Variants in CSMD1 observed in about 807,000 individuals in gnomAD.
CSMD1 encodes CUB and Sushi multiple domains 1, also known as CUB and sushi domain-containing protein 1.
Under a neutral mutation model 417.5 loss-of-function variants are expected in CSMD1, and 213 were observed. That is an observed-to-expected ratio of 0.51 (90% CI 0.46 to 0.57). CSMD1 has a LOEUF of 0.57. Among genes scored for constraint, CSMD1 ranks in the 20% least tolerant of loss-of-function variants. CSMD1 has a pLI of 0.00. For synonymous variants in CSMD1, 2,862 were observed against 1,736.8 expected (o/e 1.65, Z -16.11); for missense variants, 6,923 against 4,529.7 (o/e 1.53, Z -15.17).
At chr8:3,828,528 C>G (rs554986531) in intron 5 of CSMD1, among the ~76,000 whole-genome samples, 27 of 152,292 alleles carry the variant, frequency 1.8e-4, no homozygotes, top group African/African-American at 6.3e-4. Context: ...TATAATTCCT[C>G]TCCTTTTTCC....
rs543590571 is a variant in CSMD1 at position 3,991,572 on chromosome 8, G to A, written c.818+6331C>T. Among the ~76,000 whole-genome samples, 9 of 152,274 alleles carry A rather than the reference G, an allele frequency of 5.9e-5. No homozygotes were observed. The South Asian group carries it at 6.2e-4, about 11-fold the overall frequency. On this transcript the variant is annotated intron_variant, in intron 5 of 69. Coordinates refer to ENST00000635120, the MANE Select transcript of CSMD1 (RefSeq NM_033225.6). ...AGTGAATAATGCTGGAAAGAAACAC[G>A]TAAGAGTAGCTAGTGATGACTCCAC...
intron 6 of CSMD1, among the ~76,000 whole-genome samples, chr8:3,719,820 A>G (rs1802047769): frequency 6.6e-6 from 1 of 152,108 alleles, no homozygotes; most frequent in East Asian, 1.9e-4. Flanking sequence ...TAACAGGAAA[A>G]ATCTCCCTCA....
chr8:3,984,739 ATATATATATATATTTG>A (rs1814184765), intron 5 of CSMD1, among the ~76,000 whole-genome samples: 1 of 109,784 alleles, frequency 9.1e-6, no homozygotes, highest in Admixed American at 9.0e-5. Context: ...ATATATATAT[ATATATATATATATTTG>A]TATGTATTTG....
chr8:3,651,189 G>A (rs1396771164), intron 7 of CSMD1, among the ~76,000 whole-genome samples: 1 of 152,132 alleles, frequency 6.6e-6, no homozygotes. Context: ...TCCCTAGAAT[G>A]TATTCTCAAC....
intron 12 of CSMD1, among the ~76,000 whole-genome samples, chr8:3,413,483 A>C (rs62505571): frequency 0.056 from 8,500 of 152,284 alleles, 277 homozygotes; most frequent in Middle Eastern, 0.11. Context: ...ATCAGGCATT[A>C]GGGGTTGACA....
intron 5 of CSMD1, among the ~76,000 whole-genome samples, chr8:3,867,692 T>C (rs775812259): frequency 2.1e-4 from 32 of 152,172 alleles, no homozygotes; most frequent in Non-Finnish European, 3.5e-4. Flanking sequence ...AACCATGTAC[T>C]ACACTTAACT....
chr8:4,363,355 T>C (rs143021320), intron 3 of CSMD1, among the ~76,000 whole-genome samples: 5 of 152,326 alleles, frequency 3.3e-5, no homozygotes, highest in Non-Finnish European at 7.3e-5. Flanking sequence ...GGTACTCGTA[T>C]GTGTATGCAT....
rs561723112 is a variant in CSMD1, at chr8:4,293,062, C to T, written c.415+126891G>A. On this transcript the variant is annotated intron_variant, in intron 3 of 69. Coordinates refer to ENST00000635120, the MANE Select transcript of CSMD1 (RefSeq NM_033225.6). ...AGAAGGGGCTATTCCACCAGAGCTG[C>T]GTCTGGAGTAGAACCATGCACTGCA... 7.2e-5 allele frequency among the ~76,000 whole-genome samples: 11 copies of T among 152,232 alleles called. 1 individual carries two copies. In the South Asian group the frequency reaches 1.0e-3, roughly 14 times the overall value.
At chr8:3,863,497 C>T (rs960050100) in intron 5 of CSMD1, among the ~76,000 whole-genome samples, 2 of 151,854 alleles carry the variant, frequency 1.3e-5, no homozygotes, top group Admixed American at 6.6e-5. Flanking sequence ...TAAATACGAA[C>T]CACATCAGAT....
At chr8:3,334,209 C>A (rs28505291) in intron 23 of CSMD1, among the ~76,000 whole-genome samples, 7,725 of 152,268 alleles carry the variant, frequency 0.051, 249 homozygotes, top group East Asian at 0.17. Context: ...AGCATTATCT[C>A]TCTTGATCAA....
chr8:3,177,602 T>C (rs259856), intron 37 of CSMD1, among the ~76,000 whole-genome samples: 91,068 of 152,082 alleles, frequency 0.6, 30,126 homozygotes, highest in African/African-American at 0.88. Context: ...ACTGGGGCAA[T>C]AGAAATACTT....
At chr8:4,457,955 A>T (rs1387885922) in intron 2 of CSMD1, among the ~76,000 whole-genome samples, 1 of 152,016 alleles carries the variant, frequency 6.6e-6, no homozygotes, top group Non-Finnish European at 1.5e-5. Context: ...CAGGCAGAAA[A>T]ACCCAGATGT....
intron 3 of CSMD1, among the ~76,000 whole-genome samples, chr8:4,138,581 A>G (rs1356781516): frequency 1.3e-5 from 2 of 152,012 alleles, no homozygotes; most frequent in Admixed American, 1.3e-4. Context: ...CAGATCCTAG[A>G]TTCTTAGAAA....
At chr8:3,129,502 C>T (rs1425371557) in intron 41 of CSMD1, among the ~76,000 whole-genome samples, 2 of 151,626 alleles carry the variant, frequency 1.3e-5, no homozygotes, top group Non-Finnish European at 2.9e-5. Context: ...GGGCCGGGTT[C>T]AGTGGCTCAT....
intron 3 of CSMD1, among the ~76,000 whole-genome samples, chr8:4,129,544 G>C (rs1482482044): frequency 6.6e-6 from 1 of 151,340 alleles, no homozygotes; most frequent in African/African-American, 2.4e-5. Context: ...TTTGAGATTG[G>C]ATTCCATCAG....
chr8:3,038,610 G>A (rs1810859291), intron 50 of CSMD1, among the ~76,000 whole-genome samples: 1 of 152,040 alleles, frequency 6.6e-6, no homozygotes, highest in Non-Finnish European at 1.5e-5. Context: ...TCGAGGTCAT[G>A]GTTTTACCAT....
intron 1 of CSMD1, among the ~76,000 whole-genome samples, chr8:4,843,919 G>A (rs1231630114): frequency 1.3e-5 from 2 of 152,178 alleles, no homozygotes; most frequent in Non-Finnish European, 2.9e-5. Flanking sequence ...GTGCACAGGA[G>A]TTAGTTCAGA....
chr8:4,626,415 G>C (rs181178374), intron 2 of CSMD1, among the ~76,000 whole-genome samples: 3 of 152,162 alleles, frequency 2.0e-5, no homozygotes, highest in East Asian at 1.9e-4. Context: ...GGAAGTAGTA[G>C]TCCAACAATA....
At chr8:3,907,624 G>T (rs1808198657) in intron 5 of CSMD1, among the ~76,000 whole-genome samples, 1 of 152,146 alleles carries the variant, frequency 6.6e-6, no homozygotes, top group Non-Finnish European at 1.5e-5. Flanking sequence ...CTAAGTTCAG[G>T]CTCATTGATG....
Sources: allele counts gnomAD v4.1 joint callset (sites outside exome capture counted in the v4.1 genomes callset), GRCh38; gene constraint gnomAD v4.1.1; transcripts MANE v1.5; gene names NCBI Gene and HGNC (gene_info 2026-07-23, HGNC 2026-07-21).